The following HEATR4 variants were observed in gnomAD, a reference collection of about 807,000 sequenced individuals.
The protein encoded by HEATR4 is HEAT repeat-containing protein 4.
In HEATR4, 95 loss-of-function variants were observed where a neutral mutation model predicts 108.8. The ratio of observed to expected loss-of-function variants is 0.87; its 90% CI spans 0.74 to 1.04. HEATR4 has a LOEUF of 1.04. HEATR4 is among the 50% of genes least tolerant of loss of function. HEATR4 has a pLI of 0.00. For synonymous variants in HEATR4, 443 were observed against 459.4 expected (o/e 0.96, Z 0.46); for missense variants, 1,152 against 1,253.8 (o/e 0.92, Z 1.23).
chr14:73,575,358 C>T, the HEATR4 span: 21 of 1,053,936 alleles, frequency 2.0e-5, no homozygotes, highest in Admixed American at 1.8e-4. Context: ...CCCCCTGTGT[C>T]GGGCTTCCCT....
At chr14:73,605,111 AC>A in the HEATR4 span, among the ~76,000 whole-genome samples, 3 of 151,698 alleles carry the variant, frequency 2.0e-5, no homozygotes, top group East Asian at 5.8e-4. Context: ...AAAAAAAAAA[AC>A]CTTTTTCCAG....
At chr14:73,591,611 A>G in the HEATR4 span, 1 of 247,876 alleles carries the variant, frequency 4.0e-6, no homozygotes, top group South Asian at 1.8e-4. Flanking sequence ...GCTTGATCTC[A>G]TTGGCTTTTG....
the HEATR4 span, chr14:73,612,646 C>A: frequency 1.2e-5 from 17 of 1,405,418 alleles, no homozygotes; most frequent in Admixed American, 4.8e-4. Context: ...CAGTGCGCGG[C>A]CTGGCCCCGG....
intron 6 of HEATR4, among the ~76,000 whole-genome samples, chr14:73,513,341 C>T (rs927630793): frequency 5.3e-5 from 8 of 151,860 alleles, no homozygotes; most frequent in African/African-American, 1.7e-4. Context: ...TGCCTATAGT[C>T]CCAGCTACTT....
At chr14:73,569,822 C>A in the HEATR4 span, 1 of 1,596,484 alleles carries the variant, frequency 6.3e-7, no homozygotes, top group Non-Finnish European at 8.5e-7. Flanking sequence ...TCCTCCCGCC[C>A]GGGGTGCGGC....
chr14:73,519,626 G>T (rs556520614), intron 4 of HEATR4, among the ~76,000 whole-genome samples: 57 of 152,322 alleles, frequency 3.7e-4, no homozygotes, highest in African/African-American at 1.3e-3. Context: ...GGGAGGCTGA[G>T]GCAGGAGAAT....
At chr14:73,600,108 G>T in the HEATR4 span, among the ~76,000 whole-genome samples, 27,662 of 152,024 alleles carry the variant, frequency 0.18, 4,391 homozygotes, top group African/African-American at 0.43. Context: ...TAATACAATG[G>T]TGGGAGAAGT....
the HEATR4 span, among the ~76,000 whole-genome samples, chr14:73,593,336 C>CTTTTTTTTTTTTTTTTTTTTTTT: frequency 9.5e-6 from 1 of 104,870 alleles, no homozygotes; most frequent in Non-Finnish European, 1.8e-5. Flanking sequence ...TTCTTTCTTT[C>CTTTTTTTTTTTTTTTTTTTTTTT]TTTTTTTTTT....
chr14:73,486,510 C>A (rs557225255), intron 17 of HEATR4, among the ~76,000 whole-genome samples: 6 of 151,996 alleles, frequency 3.9e-5, no homozygotes, highest in African/African-American at 1.4e-4. Context: ...CCAGCTTGAC[C>A]AACATGGCGA....
chr14:73,568,845 G>A, the HEATR4 span, among the ~76,000 whole-genome samples: 1 of 152,054 alleles, frequency 6.6e-6, no homozygotes, highest in African/African-American at 2.4e-5. Context: ...GGCATATACA[G>A]AGAACACAAA....
the HEATR4 span, chr14:73,592,342 A>G: frequency 6.3e-7 from 1 of 1,599,128 alleles, no homozygotes; most frequent in African/African-American, 1.3e-5. Context: ...CACGAGCGCC[A>G]CTTCCTCCCG....
intron 2 of HEATR4, among the ~76,000 whole-genome samples, chr14:73,528,323 C>T (rs145311990): frequency 4.7e-5 from 6 of 128,474 alleles, no homozygotes; most frequent in East Asian, 2.6e-4. Flanking sequence ...AGCTGGGAGG[C>T]GGAGGTTGCA....
intron 16 of HEATR4, among the ~76,000 whole-genome samples, chr14:73,494,979 C>G (rs754510442): frequency 1.3e-5 from 2 of 151,768 alleles, no homozygotes; most frequent in Non-Finnish European, 2.9e-5. Flanking sequence ...CTTTTTTGAC[C>G]TAACTTTTAA....
intron 15 of HEATR4, 112 bp from the exon 16 acceptor site, chr14:73,495,499 CT>C (rs1886064276): frequency 1.2e-6 from 1 of 863,008 alleles, no homozygotes; most frequent in Admixed American, 2.6e-5. Context: ...GGGAGGATCA[CT>C]TGAGCCCAAC....
chr14:73,506,759 ATAACT>A (rs1344563988), intron 9 of HEATR4, among the ~76,000 whole-genome samples, 188 bp from the exon 10 acceptor site: 1 of 149,732 alleles, frequency 6.7e-6, no homozygotes, highest in African/African-American at 2.4e-5. Context: ...TACAAATTTA[ATAACT>A]TAAACAGAAA....
the HEATR4 span, among the ~76,000 whole-genome samples, chr14:73,575,837 G>A: frequency 6.6e-6 from 1 of 151,894 alleles, no homozygotes; most frequent in East Asian, 1.9e-4. Context: ...CGTAAATGGA[G>A]TTCAATAATT....
rs112366172 is a variant in HEATR4, at chr14:73,511,986, A to C, written c.1558+20T>G. ...TTATGAGTTGCTTATGTTCTCAAGCAGTTCAGCTTTGGCTCTCACCTGAGT... is the reference window on the plus strand; with the variant it reads ...TTATGAGTTGCTTATGTTCTCAAGCCGTTCAGCTTTGGCTCTCACCTGAGT... On this transcript the variant is annotated intron_variant, in intron 7 of 17. Coordinates refer to ENST00000553558, the MANE Select transcript of HEATR4 (RefSeq NM_001220484.1). The C allele has an allele frequency of 1.9e-5, 31 of 1,613,698 alleles. 3 individuals carry two copies. The African/African-American group carries it at 2.0e-4, about 10-fold the overall frequency.
chr14:73,603,805 C>T, the HEATR4 span, among the ~76,000 whole-genome samples: 4 of 151,758 alleles, frequency 2.6e-5, no homozygotes, highest in Non-Finnish European at 5.9e-5. Context: ...GCAATCTTGG[C>T]TCACTGCAGC....
At chr14:73,482,395 G>A (rs1289919278) in intron 17 of HEATR4, among the ~76,000 whole-genome samples, 1 of 151,888 alleles carries the variant, frequency 6.6e-6, no homozygotes, top group African/African-American at 2.4e-5. Context: ...GGTGGCAGGC[G>A]ATTGTAATCC....
Sources: allele counts gnomAD v4.1 joint callset (sites outside exome capture counted in the v4.1 genomes callset), GRCh38; gene constraint gnomAD v4.1.1; transcripts MANE v1.5; gene names NCBI Gene and HGNC (gene_info 2026-07-23, HGNC 2026-07-21).